Variants in DNM3 observed in about 807,000 individuals in gnomAD.
The protein encoded by DNM3 is dynamin 3.
Under a neutral mutation model 101.6 loss-of-function variants are expected in DNM3, and 47 were observed. The ratio of observed to expected loss-of-function variants is 0.46; its 90% CI spans 0.37 to 0.59. DNM3 has a LOEUF of 0.59. Among genes scored for constraint, DNM3 ranks in the 20% least tolerant of loss-of-function variants. DNM3 has a pLI of 0.00. For synonymous variants in DNM3, 385 were observed against 387.9 expected, an observed-to-expected ratio of 0.99 and a Z score of 0.09; for missense variants, 849 against 1,085.7, an observed-to-expected ratio of 0.78 and a Z score of 3.06.
In DNM3 at chr1:172,403,896, C is replaced by T. The variant is rs183870454; in HGVS notation, c.2523-3876C>T. Among the ~76,000 whole-genome samples the T allele has an allele frequency of 2.5e-3, 373 of 152,204 alleles. 1 individual carries two copies. The highest frequency in any genetic ancestry group is 4.2e-3 in the Non-Finnish European group (288 of 67,990). ...ACAAACTGTCTTGTGAGGTGAATGC[C>T]TTTGGAAACTCTTTGAATGGTTAGG... is the stretch of plus-strand genomic sequence containing the variant. On this transcript the variant is annotated intron_variant, in intron 20 of 20. Coordinates refer to ENST00000627582, the MANE Select transcript of DNM3 (RefSeq NM_015569.5).
At chr1:172,150,842 C>G (rs1339248071) in intron 14 of DNM3, among the ~76,000 whole-genome samples, 3 of 152,188 alleles carry the variant, frequency 2.0e-5, no homozygotes, top group Non-Finnish European at 4.4e-5. Flanking sequence ...AGGGCTGCTG[C>G]GGGACACACC....
intron 17 of DNM3, among the ~76,000 whole-genome samples, chr1:172,337,895 TATTTTA>T (rs1211189743): frequency 9.2e-5 from 13 of 141,090 alleles, no homozygotes; most frequent in Non-Finnish European, 1.8e-4. Flanking sequence ...TATTTTATTT[TATTTTA>T]TTTTATTTTA....
rs1394953028 is a variant in DNM3, at chr1:172,411,988, T to C, written c.*4147T>C. ...ATGTTTAAAATTATGTGGTGCTGTG[T>C]AGGTGAAACTTTAAGAATATTTTTG... is the stretch of plus-strand genomic sequence containing the variant. On this transcript the variant is annotated 3_prime_UTR_variant, in exon 21 of 21. Transcript: ENST00000627582. The C allele has an allele frequency of 1.0e-6, 1 of 985,826 alleles. No homozygotes were observed. The highest frequency in any genetic ancestry group is 1.2e-6 in the Non-Finnish European group (1 of 829,896). 61.1% of individuals were successfully genotyped at this position (985,826 alleles called of 1,614,324 possible). A position where few individuals can be genotyped will look rare whatever the true frequency, so the allele number is the denominator to read the frequency against.
In DNM3 at chr1:171,987,709, G is replaced by C; in HGVS notation, c.289G>C (p.Val97Leu). The C allele has an allele frequency of 6.3e-7, 1 of 1,599,106 alleles. No homozygotes were observed. ...KGKKFTDFDE[V>L]RLEIEAETDR... ...AAAGAAATTTACAGATTTTGATGAAGTTCGCCTTGAGATTGAAGCAGAAAC... is the reference window on the plus strand; with the variant it reads ...AAAGAAATTTACAGATTTTGATGAACTTCGCCTTGAGATTGAAGCAGAAAC... Residue 97 changes from valine (V) to leucine (L), a missense_variant, in exon 3 of 21, where the codon GTT becomes CTT. Physicochemically the swap from Val to Leu is conservative, Grantham distance 32 (BLOSUM62 1). Around this residue, in one of 5 missense-constraint regions of DNM3, gnomAD observed 388 missense variants for 483.0 expected, o/e 0.80. Coordinates refer to ENST00000627582, the MANE Select transcript of DNM3 (RefSeq NM_015569.5).
chr1:172,304,944 T>G (rs1442684801), intron 15 of DNM3, among the ~76,000 whole-genome samples: 1 of 152,018 alleles, frequency 6.6e-6, no homozygotes. Flanking sequence ...AGATCCAAAA[T>G]TGACACCCTA....
intron 2 of DNM3, among the ~76,000 whole-genome samples, chr1:171,941,460 C>G (rs924964643): frequency 6.6e-6 from 1 of 152,154 alleles, no homozygotes; most frequent in African/African-American, 2.4e-5. Flanking sequence ...CATACTGCAA[C>G]TGTAGAGTGA....
At position 172,381,420 on chromosome 1, in the gene DNM3, C is replaced by T. The variant is rs116804259; in HGVS notation, c.2058+2238C>T. Among the ~76,000 whole-genome samples, 229 of 151,804 alleles carry T rather than the reference C, an allele frequency of 1.5e-3. 1 individual carries two copies. The highest frequency in any genetic ancestry group is 5.4e-3 in the African/African-American group (222 of 41,418). On this transcript the variant is annotated intron_variant, in intron 18 of 20. Transcript: ENST00000627582. ...TCTACCAGAAGTTAGTTTTACATAT[C>T]TAGAATGACTGCTTTTCTTGGGTAT...
chr1:172,164,191 A>G (rs1351939835), intron 14 of DNM3, among the ~76,000 whole-genome samples: 1 of 133,658 alleles, frequency 7.5e-6, no homozygotes, highest in Non-Finnish European at 1.6e-5. Flanking sequence ...TTCGTGTTTT[A>G]TTTGTCTTTT....
chr1:172,126,924 T>C (rs544197731), intron 13 of DNM3, among the ~76,000 whole-genome samples: 7 of 152,076 alleles, frequency 4.6e-5, no homozygotes, highest in Non-Finnish European at 8.8e-5. Context: ...CTGGATCAAT[T>C]CCCATTTATC....
At chr1:172,166,514 G>A (rs964823522) in intron 14 of DNM3, among the ~76,000 whole-genome samples, 2 of 152,010 alleles carry the variant, frequency 1.3e-5, no homozygotes, top group African/African-American at 2.4e-5. Flanking sequence ...CTGCCAATTT[G>A]ATTATCTCTA....
At chr1:172,178,691 C>G (rs1182021224) in intron 14 of DNM3, among the ~76,000 whole-genome samples, 2 of 151,622 alleles carry the variant, frequency 1.3e-5, no homozygotes, top group Non-Finnish European at 2.9e-5. Flanking sequence ...GAGAATGGAC[C>G]CTGGTTTACT....
intron 6 of DNM3, 60 bp from the exon 7 acceptor site, chr1:172,038,259 T>A: frequency 6.3e-7 from 1 of 1,587,560 alleles, no homozygotes; most frequent in East Asian, 2.2e-5. Context: ...CATGAGTTAA[T>A]CTTTAATCTG....
intron 10 of DNM3, among the ~76,000 whole-genome samples, chr1:172,064,393 G>T (rs1047150501): frequency 7.2e-5 from 11 of 152,110 alleles, no homozygotes; most frequent in African/African-American, 2.7e-4. Flanking sequence ...AATGGTGATT[G>T]CACATTAAAT....
chr1:172,304,640 A>C (rs1481169527), intron 15 of DNM3, among the ~76,000 whole-genome samples: 1 of 152,084 alleles, frequency 6.6e-6, no homozygotes, highest in Non-Finnish European at 1.5e-5. Flanking sequence ...GAAGTAAAGC[A>C]CTCCTCAGCA....
intron 15 of DNM3, among the ~76,000 whole-genome samples, chr1:172,269,383 T>G (rs1049227512): frequency 6.6e-6 from 1 of 152,176 alleles, no homozygotes; most frequent in Admixed American, 6.5e-5. Flanking sequence ...TGCCTCCATT[T>G]GGAAACCATA....
chr1:172,195,684 G>A (rs1353431923), intron 14 of DNM3, among the ~76,000 whole-genome samples: 1 of 151,724 alleles, frequency 6.6e-6, no homozygotes, highest in East Asian at 1.9e-4. Context: ...ATAGTATGTT[G>A]TTTTATTCTT....
chr1:171,950,083 A>C (rs111891764), intron 2 of DNM3, among the ~76,000 whole-genome samples: 2,932 of 152,286 alleles, frequency 0.019, 93 homozygotes, highest in African/African-American at 0.066. Flanking sequence ...AATAAAAAGG[A>C]ATTATGTGCT....
intron 20 of DNM3, among the ~76,000 whole-genome samples, chr1:172,403,802 C>T (rs192642482): frequency 6.6e-5 from 10 of 152,222 alleles, no homozygotes; most frequent in East Asian, 1.9e-4. Context: ...CCTTACTTAA[C>T]GAAGCTCATT....
chr1:172,135,145 G>A lies in DNM3; in HGVS notation c.1659+3857G>A, dbSNP rs114765641. On this transcript the variant is annotated intron_variant, in intron 14 of 20. Transcript: ENST00000627582. Reference sequence around the variant, plus strand: ...TTGTTGGAATTTGATAAAAATGAACGGATTTAAGAGATGTTTTTGGAAGGT... The same window carrying A: ...TTGTTGGAATTTGATAAAAATGAACAGATTTAAGAGATGTTTTTGGAAGGT... Among the ~76,000 whole-genome samples the A allele has an allele frequency of 7.3e-3, 1,112 of 152,126 alleles. 17 individuals are homozygous for A. The highest frequency in any genetic ancestry group is 0.025 in the African/African-American group (1,034 of 41,500).
Sources: allele counts gnomAD v4.1 joint callset (sites outside exome capture counted in the v4.1 genomes callset), GRCh38; gene constraint gnomAD v4.1.1; regional missense constraint gnomAD v4.1.1; transcripts MANE v1.5; gene names NCBI Gene and HGNC (gene_info 2026-07-23, HGNC 2026-07-21).